GALNT18: variants seen among roughly 807,000 people sequenced by gnomAD.
The protein encoded by GALNT18 is GalNAc-transferase 18.
GALNT18 carries 44 observed loss-of-function variants against 69.5 expected under a neutral mutation model. That is an observed-to-expected ratio of 0.63 (90% confidence interval 0.50 to 0.81). GALNT18 has a LOEUF of 0.81. Ranked by LOEUF, GALNT18 falls within the 40% of genes least tolerant of loss-of-function variation. GALNT18 has a pLI of 0.00. For missense variants in GALNT18, 715 were observed against 810.0 expected, an observed-to-expected ratio of 0.88 and a Z score of 1.42; for synonymous variants, 364 against 318.2, an observed-to-expected ratio of 1.14 and a Z score of -1.53.
chr11:11,358,861 A>ACACACACG lies in GALNT18; in HGVS notation c.1092+13653_1092+13654insCGTGTGTG, dbSNP rs1304931022. Among the ~76,000 whole-genome samples, 3 of 137,186 alleles carry ACACACACG rather than the reference A, an allele frequency of 2.2e-5. No homozygotes were observed. In the East Asian group the frequency reaches 5.9e-4, roughly 27 times the overall value. 90.0% of individuals were successfully genotyped at this position (137,186 alleles called of 152,430 possible). On this transcript the variant is annotated intron_variant, in intron 6 of 10. Transcript: ENST00000227756. ...CACACACACACACACACACACACAC[A>ACACACACG]CGCACAGACATGTTATCCCAAGCTC...
chr11:11,501,382 C>T (rs1270844833), intron 1 of GALNT18, among the ~76,000 whole-genome samples: 1 of 152,166 alleles, frequency 6.6e-6, no homozygotes, highest in African/African-American at 2.4e-5. Context: ...ATCTGACTAG[C>T]CTCATTTTAA....
chr11:11,569,278 C>G (rs1263931775), intron 1 of GALNT18, among the ~76,000 whole-genome samples: 9 of 149,842 alleles, frequency 6.0e-5, no homozygotes, highest in Admixed American at 2.6e-4. Context: ...TTCAGAGACA[C>G]CATCAAGGAA....
chr11:11,277,013 C>A (rs4528320), intron 10 of GALNT18, among the ~76,000 whole-genome samples: 89,861 of 151,970 alleles, frequency 0.59, 27,303 homozygotes, highest in Middle Eastern at 0.74. Flanking sequence ...TATCAGGATG[C>A]TGCTGGCCTC....
rs1181863025 is a variant in GALNT18 at position 11,404,117 on chromosome 11, A to G, written c.596-24853T>C. Among the ~76,000 whole-genome samples the G allele has an allele frequency of 6.6e-6, 1 of 152,234 alleles. No homozygotes were observed. The highest frequency in any genetic ancestry group is 1.5e-5 in the Non-Finnish European group (1 of 68,044). Reference sequence around the variant, plus strand: ...CACTTGCTGGCAGCAGGAGGAGAGCATTCCCATGTCTCATGGGCTCCCCAT... The same window carrying G: ...CACTTGCTGGCAGCAGGAGGAGAGCGTTCCCATGTCTCATGGGCTCCCCAT... On this transcript the variant is annotated intron_variant, in intron 3 of 10. Coordinates refer to ENST00000227756, the MANE Select transcript of GALNT18 (RefSeq NM_198516.3). The surrounding 1 kb of genome is among the most constrained non-coding windows in gnomAD (Gnocchi z 4.5).
chr11:11,423,846 T>C lies in GALNT18; in HGVS notation c.595+8775A>G, dbSNP rs567403153. ...TGCCTCCCTGTTACATCAGGTGACA[T>C]TGGTAATGGTCCATACCACCATCAT... On this transcript the variant is annotated intron_variant, in intron 3 of 10. Coordinates refer to ENST00000227756, the MANE Select transcript of GALNT18 (RefSeq NM_198516.3). Among the ~76,000 whole-genome samples, 3 of 152,358 alleles carry C rather than the reference T, an allele frequency of 2.0e-5. No homozygotes were observed. In the East Asian group the frequency reaches 5.8e-4, roughly 29 times the overall value.
intron 1 of GALNT18, among the ~76,000 whole-genome samples, chr11:11,457,560 C>T (rs777643830): frequency 6.1e-4 from 93 of 152,178 alleles, no homozygotes; most frequent in African/African-American, 2.0e-3. Flanking sequence ...AAGGTTGGGC[C>T]GCAGGAATGG....
Position 11,520,200 on chromosome 11 carries a change from C to T in GALNT18, c.236-71264G>A, listed in dbSNP as rs936608861. On this transcript the variant is annotated intron_variant, in intron 1 of 10. Coordinates refer to ENST00000227756, the MANE Select transcript of GALNT18 (RefSeq NM_198516.3). ...GTTCTGAAGGCTTTACAGAGATTTC[C>T]CCCATTTAATCCTCAAAAGAACACC... Among the ~76,000 whole-genome samples, 3 of 152,366 alleles carry T rather than the reference C, an allele frequency of 2.0e-5. No homozygotes were observed. In the Middle Eastern group the frequency reaches 0.01, roughly 518 times the overall value.
intron 1 of GALNT18, among the ~76,000 whole-genome samples, chr11:11,452,001 G>C (rs2133824513): frequency 6.6e-6 from 1 of 152,278 alleles, no homozygotes; most frequent in East Asian, 1.9e-4. Flanking sequence ...TCTCTTTGGA[G>C]CTGAAGAGCA....
rs1353675045 is a variant in GALNT18, at chr11:11,523,159, CTGCCTTCCAG to C, written c.236-74233_236-74224del. Among the ~76,000 whole-genome samples, 1 of 152,224 alleles carries C rather than the reference CTGCCTTCCAG, an allele frequency of 6.6e-6. No homozygotes were observed. Among genetic ancestry groups the C allele is most frequent in the East Asian group, 1.9e-4 (1 of 5,190 alleles). ...ACAGTGCTATTTTGAGCCAGGAGGT[CTGCCTTCCAG>C]TTTTGCCACCCACAGACATTATGAA... On this transcript the variant is annotated intron_variant, in intron 1 of 10. Coordinates refer to ENST00000227756, the MANE Select transcript of GALNT18 (RefSeq NM_198516.3). This position sits in a 1 kb window ranked among gnomAD's most constrained non-coding sequence, Gnocchi z 4.3.
chr11:11,408,252 C>T (rs1276251478), intron 3 of GALNT18, among the ~76,000 whole-genome samples: 1 of 151,016 alleles, frequency 6.6e-6, no homozygotes, highest in Non-Finnish European at 1.5e-5. Flanking sequence ...TGTACAATCC[C>T]AGCTACTTGG....
chr11:11,474,429 A>G (rs775767776), intron 1 of GALNT18, among the ~76,000 whole-genome samples: 2 of 152,160 alleles, frequency 1.3e-5, no homozygotes, highest in South Asian at 4.1e-4. Flanking sequence ...CTTTGTGAGG[A>G]GTGTGGCTCT....
intron 3 of GALNT18, among the ~76,000 whole-genome samples, chr11:11,419,619 A>AAAAAAAAAAAAAAAG (rs1554932034): frequency 4.7e-5 from 6 of 128,356 alleles, no homozygotes; most frequent in Non-Finnish European, 6.7e-5. Flanking sequence ...AAAAAAAAAA[A>AAAAAAAAAAAAAAAG]AAAGAAAGAA....
chr11:11,557,089 G>C (rs1054223024), intron 1 of GALNT18, among the ~76,000 whole-genome samples: 1 of 152,168 alleles, frequency 6.6e-6, no homozygotes, highest in African/African-American at 2.4e-5. Flanking sequence ...ATGGCCCTAT[G>C]AGGTTTCTCA....
At chr11:11,529,061 C>G (rs1237155648) in intron 1 of GALNT18, among the ~76,000 whole-genome samples, 1 of 152,178 alleles carries the variant, frequency 6.6e-6, no homozygotes. Context: ...AAGAGAACAG[C>G]CTCTTCTGTA....
At chr11:11,308,772 T>C (rs543012944) in intron 9 of GALNT18, among the ~76,000 whole-genome samples, 37 of 152,280 alleles carry the variant, frequency 2.4e-4, no homozygotes, top group Middle Eastern at 6.8e-3. Context: ...TGCCAGGCAG[T>C]CAGCTACATC....
Position 11,591,918 on chromosome 11 carries a change from G to C in GALNT18, c.235+29441C>G, listed in dbSNP as rs1859369863. 6.6e-6 allele frequency among the ~76,000 whole-genome samples: 1 copy of C among 152,180 alleles called. No homozygotes were observed. The highest frequency in any genetic ancestry group is 1.5e-5 in the Non-Finnish European group (1 of 68,030). On this transcript the variant is annotated intron_variant, in intron 1 of 10. Transcript: ENST00000227756. This position sits in a 1 kb window ranked among gnomAD's most constrained non-coding sequence, Gnocchi z 4.8. The stretch of plus-strand genomic sequence containing the variant: ...AGTCCTCAAGATCAGACCACATAGA[G>C]TCAATTCCTATCCCAACACATGCTG...
chr11:11,310,978 C>T (rs10831583), intron 9 of GALNT18, among the ~76,000 whole-genome samples: 81,543 of 151,754 alleles, frequency 0.54, 21,897 homozygotes, highest in Middle Eastern at 0.62. Context: ...ATTCCCAAAT[C>T]CCAGAGCTTC....
At chr11:11,365,310 C>T (rs550269137) in intron 6 of GALNT18, among the ~76,000 whole-genome samples, 6 of 152,232 alleles carry the variant, frequency 3.9e-5, no homozygotes, top group Admixed American at 2.0e-4. Context: ...TCCATGTCCC[C>T]ACAAAGGACG....
intron 1 of GALNT18, among the ~76,000 whole-genome samples, chr11:11,609,607 C>A (rs998830517): frequency 6.6e-6 from 1 of 152,134 alleles, no homozygotes; most frequent in Admixed American, 6.5e-5. Context: ...AGCGGTACAC[C>A]CCAGGTCACT....
Sources: gnomAD v4.1 joint callset for allele counts (sites outside exome capture counted in the v4.1 genomes callset) on GRCh38, gnomAD v4.1.1 for gene constraint, Gnocchi (gnomAD v3.1) non-coding constraint, MANE v1.5 for transcripts, NCBI Gene and HGNC (gene_info 2026-07-23, HGNC 2026-07-21) for gene names.